Variants in SPAG16 observed in about 807,000 individuals in gnomAD.
SPAG16 encodes sperm associated antigen 16.
Under a neutral mutation model 80.4 loss-of-function variants are expected in SPAG16, and 86 were observed. That is an observed-to-expected ratio of 1.07 (90% confidence interval 0.90 to 1.28). The LOEUF (loss-of-function observed/expected upper bound fraction) is 1.28, where lower values mean the gene tolerates loss of function less well. SPAG16 is among the 50% of genes most tolerant of loss of function. SPAG16 has a pLI of 0.00. For missense variants in SPAG16, 870 were observed against 765.3 expected, an observed-to-expected ratio of 1.14 and a Z score of -1.61; for synonymous variants, 294 against 265.9, an observed-to-expected ratio of 1.11 and a Z score of -1.03.
chr2:213,786,953 G>T (rs1046205795), intron 10 of SPAG16, among the ~76,000 whole-genome samples: 17 of 151,866 alleles, frequency 1.1e-4, no homozygotes, highest in African/African-American at 3.9e-4. Flanking sequence ...TGATATAAGT[G>T]GTATGGAAAC....
chr2:213,565,764 G>A (rs968808264), intron 10 of SPAG16, among the ~76,000 whole-genome samples: 1 of 152,192 alleles, frequency 6.6e-6, no homozygotes, highest in Non-Finnish European at 1.5e-5. Flanking sequence ...GGCCTCAGAA[G>A]GATGGAAGAC....
At chr2:213,342,775 C>T (rs12694302) in intron 6 of SPAG16, among the ~76,000 whole-genome samples, 148,194 of 151,974 alleles carry the variant, frequency 0.98, 72,361 homozygotes, top group East Asian at 1. Flanking sequence ...GGACAAAATA[C>T]ATGAGGCAGT....
intron 9 of SPAG16, among the ~76,000 whole-genome samples, chr2:213,419,353 T>C (rs2069455899): frequency 6.6e-6 from 1 of 152,218 alleles, no homozygotes; most frequent in South Asian, 2.1e-4. Context: ...TTAAATATTT[T>C]AGCCGTTGCC....
intron 11 of SPAG16, among the ~76,000 whole-genome samples, chr2:213,909,616 A>T (rs2077576226): frequency 6.6e-6 from 1 of 152,128 alleles, no homozygotes; most frequent in Admixed American, 6.6e-5. Flanking sequence ...GACAAAAACA[A>T]GCAATGGGGA....
chr2:214,230,881 A>G (rs1464651484), intron 15 of SPAG16, among the ~76,000 whole-genome samples: 1 of 151,970 alleles, frequency 6.6e-6, no homozygotes, highest in Non-Finnish European at 1.5e-5. Flanking sequence ...TATTTTGAAA[A>G]CAAGATGGGC....
intron 10 of SPAG16, among the ~76,000 whole-genome samples, chr2:213,645,652 C>G (rs753979200): frequency 5.9e-5 from 9 of 152,098 alleles, no homozygotes; most frequent in Non-Finnish European, 1.0e-4. Context: ...CCCTTCTTCT[C>G]TCTCCTCTTC....
At chr2:213,575,059 G>A (rs934909989) in intron 10 of SPAG16, among the ~76,000 whole-genome samples, 1 of 151,922 alleles carries the variant, frequency 6.6e-6, no homozygotes, top group East Asian at 1.9e-4. Context: ...GCTTTTTCTT[G>A]CTTCTCCCAC....
chr2:213,350,469 G>A, intron 6 of SPAG16, 59 bp from the exon 7 acceptor site: 2 of 865,276 alleles, frequency 2.3e-6, no homozygotes, highest in East Asian at 2.8e-5. Context: ...GATGTTAGAT[G>A]GAAATTACTG....
At chr2:213,881,408 G>C (rs540927388) in intron 11 of SPAG16, among the ~76,000 whole-genome samples, 1 of 152,312 alleles carries the variant, frequency 6.6e-6, no homozygotes, top group South Asian at 2.1e-4. Context: ...CATATAGTCA[G>C]TGAAGAGAGA....
At chr2:213,694,049 A>G (rs993818772) in intron 10 of SPAG16, among the ~76,000 whole-genome samples, 1 of 151,844 alleles carries the variant, frequency 6.6e-6, no homozygotes, top group Non-Finnish European at 1.5e-5. Context: ...AGACAAAAAA[A>G]AAAAAGAAAA....
intron 15 of SPAG16, among the ~76,000 whole-genome samples, chr2:214,156,310 A>T (rs1330460727): frequency 6.6e-6 from 1 of 152,164 alleles, no homozygotes; most frequent in African/African-American, 2.4e-5. Context: ...TCAAGGAATT[A>T]GGGCTGAATT....
intron 9 of SPAG16, among the ~76,000 whole-genome samples, chr2:213,407,843 A>AGAGAGAGAGACG (rs2068729670): frequency 1.1e-5 from 1 of 94,460 alleles, no homozygotes. Flanking sequence ...AGAGAGAGAC[A>AGAGAGAGAGACG]GGAGAGAGGC....
At chr2:214,287,034 A>G (rs1693417776) in intron 15 of SPAG16, among the ~76,000 whole-genome samples, 1 of 152,212 alleles carries the variant, frequency 6.6e-6, no homozygotes, top group Admixed American at 6.5e-5. Flanking sequence ...CAGGAAAGGT[A>G]TTTTATTTAC....
chr2:213,285,847 T>G, intron 1 of SPAG16: 1 of 1,266,314 alleles, frequency 7.9e-7, no homozygotes, highest in Non-Finnish European at 1.0e-6. Context: ...TTTCCAGTGA[T>G]ATTCCTCTTT....
At chr2:214,324,493 T>G (rs1696336335) in intron 15 of SPAG16, among the ~76,000 whole-genome samples, 1 of 152,176 alleles carries the variant, frequency 6.6e-6, no homozygotes, top group Admixed American at 6.5e-5. Flanking sequence ...AAGAAGACTT[T>G]CCCACACCGT....
rs1417876498 is a variant in SPAG16 at position 213,867,923 on chromosome 2, CAACAAAA to C, written c.1214+5298_1214+5304del. On this transcript the variant is annotated intron_variant, in intron 11 of 15. Transcript: ENST00000331683. ...TGGGTGACAGAGCAAGACTCTGTCT[CAACAAAA>C]AAAAAAAAAAAAAAAAAAAAGATAG... Among the ~76,000 whole-genome samples, 27 of 55,368 alleles carry C rather than the reference CAACAAAA, an allele frequency of 4.9e-4. 2 individuals are homozygous for C. Among genetic ancestry groups the C allele is most frequent in the Non-Finnish European group, 7.0e-4 (21 of 29,842 alleles). The allele number at this position is 55,368 out of a possible 152,430, so 36.3% of individuals were successfully genotyped here.
chr2:213,496,593 G>A (rs2074497806), intron 10 of SPAG16, among the ~76,000 whole-genome samples: 1 of 151,768 alleles, frequency 6.6e-6, no homozygotes, highest in Admixed American at 6.6e-5. Context: ...GTGAAAATAT[G>A]GGCATTATAG....
intron 13 of SPAG16, among the ~76,000 whole-genome samples, chr2:214,024,375 T>A (rs2048030972): frequency 6.6e-6 from 1 of 151,634 alleles, no homozygotes; most frequent in African/African-American, 2.4e-5. Context: ...GAGATTATGA[T>A]CTAGAAGGGT....
At chr2:213,772,761 A>C (rs978003131) in intron 10 of SPAG16, among the ~76,000 whole-genome samples, 1 of 152,186 alleles carries the variant, frequency 6.6e-6, no homozygotes, top group Non-Finnish European at 1.5e-5. Flanking sequence ...AAAAAAGCCT[A>C]TGCATTTTGG....
Sources: allele counts gnomAD v4.1 joint callset (sites outside exome capture counted in the v4.1 genomes callset), GRCh38; gene constraint gnomAD v4.1.1; transcripts MANE v1.5; gene names NCBI Gene and HGNC (gene_info 2026-07-23, HGNC 2026-07-21).